Variants in TNKS observed in about 807,000 individuals in gnomAD.
The protein encoded by TNKS is tankyrase, also known as poly [ADP-ribose] polymerase tankyrase-1.
Under a neutral mutation model 135.8 loss-of-function variants are expected in TNKS, and 72 were observed. The ratio of observed to expected loss-of-function variants is 0.53; its 90% CI spans 0.44 to 0.64. TNKS has a LOEUF of 0.64. Ranked by LOEUF, TNKS falls within the 30% of genes least tolerant of loss-of-function variation. The probability of loss-of-function intolerance (pLI) is 0.00; values close to 1 mark genes in which losing one functional copy is unlikely to be tolerated. For synonymous variants in TNKS, 849 were observed against 649.3 expected, an observed-to-expected ratio of 1.31 and a Z score of -4.68; for missense variants, 1,769 against 1,674.0, an observed-to-expected ratio of 1.06 and a Z score of -0.99.
intron 26 of TNKS, among the ~76,000 whole-genome samples, chr8:9,774,545 G>A (rs931934076): frequency 4.6e-5 from 7 of 152,138 alleles, no homozygotes; most frequent in African/African-American, 1.4e-4. Context: ...GTGACCTGAC[G>A]GAAAATGACG....
At chr8:9,656,611 C>CTTTTTTTTTT (rs71201960) in intron 3 of TNKS, among the ~76,000 whole-genome samples, 25 of 136,458 alleles carry the variant, frequency 1.8e-4, no homozygotes, top group African/African-American at 6.3e-4. Context: ...AAAGAATTTT[C>CTTTTTTTTTT]TTTTTTTTTT....
At chr8:9,709,015 G>T (rs1002693084) in intron 9 of TNKS, among the ~76,000 whole-genome samples, 17 of 151,952 alleles carry the variant, frequency 1.1e-4, no homozygotes, top group Non-Finnish European at 2.2e-4. Flanking sequence ...TGCACTTTCG[G>T]AAAGATTTAT....
At chr8:9,771,354 G>T in intron 26 of TNKS, among the ~76,000 whole-genome samples, 1 of 112,382 alleles carries the variant, frequency 8.9e-6, no homozygotes, top group Non-Finnish European at 1.9e-5. Context: ...GAAGCAGGGA[G>T]GGAGAGAGAG....
intron 12 of TNKS, among the ~76,000 whole-genome samples, chr8:9,725,491 A>G (rs1230925295): frequency 3.3e-5 from 5 of 152,102 alleles, no homozygotes; most frequent in Non-Finnish European, 4.4e-5. Flanking sequence ...TGTAAAAGCC[A>G]CTCTCTCCTG....
Position 9,770,142 on chromosome 8 carries a change from C to A in TNKS, c.3777C>A (p.Ser1259=). Residue 1259 remains serine, a synonymous_variant, in exon 26 of 27, where the codon TCC becomes TCA. Transcript: ENST00000310430. ...TCTGTAGAGTGACCCTTGGGAAATC[C>A]TTTCTGCAGTTTAGCACCATGAAAA... ...MLFCRVTLGK[S]FLQFSTMKMA... 6.2e-7 allele frequency: 1 copy of A among 1,613,222 alleles called. No individual in the cohort carries two copies. The highest frequency in any genetic ancestry group is 8.5e-7 in the Non-Finnish European group (1 of 1,179,866).
rs767112527 is a variant in TNKS at position 9,761,642 on chromosome 8, C to G, written c.3274+6C>G. The stretch of plus-strand genomic sequence containing the variant: ...ACTCTTAGGTGGACAACAAGGTAAG[C>G]TATTCAGAAAAAAAAAAAAATTTCA... On this transcript the variant is annotated splice_donor_region_variant and intron_variant, in intron 21 of 26. Coordinates refer to ENST00000310430, the MANE Select transcript of TNKS (RefSeq NM_003747.3). The G allele has an allele frequency of 1.3e-6, 2 of 1,578,932 alleles. No homozygotes were observed. Among genetic ancestry groups the G allele is most frequent in the Non-Finnish European group, 8.5e-7 (1 of 1,170,510 alleles).
intron 2 of TNKS, 72 bp from the exon 3 acceptor site, chr8:9,615,510 C>A (rs74744539): frequency 3.9e-6 from 5 of 1,282,456 alleles, no homozygotes; most frequent in South Asian, 2.7e-5. Flanking sequence ...TACACCATGC[C>A]GAGACGACAC....
At chr8:9,761,758 G>A in intron 21 of TNKS, 122 bp downstream of exon 21, 2 of 1,016,476 alleles carry the variant, frequency 2.0e-6, no homozygotes, top group Non-Finnish European at 2.8e-6. Flanking sequence ...TGTACCTCCT[G>A]TCCCTTCCCC....
chr8:9,717,359 CT>C (rs1468059565), intron 11 of TNKS, among the ~76,000 whole-genome samples: 1 of 151,768 alleles, frequency 6.6e-6, no homozygotes, highest in Non-Finnish European at 1.5e-5. Context: ...ATGATGAATA[CT>C]TGTAAAACAC....
Position 9,621,852 on chromosome 8 carries a change from C to T in TNKS, c.994+6175C>T, listed in dbSNP as rs374155970. Among the ~76,000 whole-genome samples the T allele has an allele frequency of 1.7e-4, 26 of 152,134 alleles. 1 individual carries two copies. In the East Asian group the frequency reaches 4.4e-3, roughly 26 times the overall value. Reference sequence around the variant, plus strand: ...TTATTAAGAAAAGTTGTATATTTATCTATATGAATTTTATTAGGGGAAGTT... The same window carrying T: ...TTATTAAGAAAAGTTGTATATTTATTTATATGAATTTTATTAGGGGAAGTT... On this transcript the variant is annotated intron_variant, in intron 3 of 26. Transcript: ENST00000310430.
At chr8:9,678,019 C>G (rs1802619018) in intron 3 of TNKS, among the ~76,000 whole-genome samples, 1 of 152,186 alleles carries the variant, frequency 6.6e-6, no homozygotes, top group Admixed American at 6.5e-5. Context: ...CCCATTTACA[C>G]TGGCTGGTAA....
At chr8:9,570,757 A>G (rs539316966) in intron 1 of TNKS, among the ~76,000 whole-genome samples, 8 of 152,270 alleles carry the variant, frequency 5.3e-5, no homozygotes, top group African/African-American at 1.9e-4. Context: ...ATTGAGGTGC[A>G]TCTGCCATAC....
At chr8:9,567,746 G>A (rs1280540793) in intron 1 of TNKS, among the ~76,000 whole-genome samples, 1 of 152,164 alleles carries the variant, frequency 6.6e-6, no homozygotes, top group East Asian at 1.9e-4. Context: ...AGACTATATA[G>A]AGTTGTTAGA....
intron 2 of TNKS, among the ~76,000 whole-genome samples, chr8:9,587,644 C>T (rs1284544014): frequency 3.3e-5 from 5 of 152,130 alleles, no homozygotes; most frequent in East Asian, 1.9e-4. Flanking sequence ...CCTTGTGATC[C>T]GCCCGCCTCG....
chr8:9,590,674 T>G (rs1303038351), intron 2 of TNKS, among the ~76,000 whole-genome samples: 1 of 152,242 alleles, frequency 6.6e-6, no homozygotes, highest in Non-Finnish European at 1.5e-5. Context: ...AGTAATGATG[T>G]TGAGCATCTT....
At chr8:9,657,760 C>A (rs1474756433) in intron 3 of TNKS, among the ~76,000 whole-genome samples, 4 of 143,850 alleles carry the variant, frequency 2.8e-5, no homozygotes, top group Non-Finnish European at 4.6e-5. Flanking sequence ...CCGGACGGGG[C>A]GGCTGGCCGG....
intron 5 of TNKS, among the ~76,000 whole-genome samples, chr8:9,698,629 C>T (rs1304461241): frequency 6.6e-6 from 1 of 152,128 alleles, no homozygotes. Flanking sequence ...GAATGCAAAA[C>T]CAGGATTTAA....
chr8:9,756,280 C>A (rs1057448823), intron 20 of TNKS, among the ~76,000 whole-genome samples: 2 of 151,944 alleles, frequency 1.3e-5, no homozygotes, highest in African/African-American at 2.4e-5. Flanking sequence ...ACCATACAAC[C>A]TTTTAAGCCC....
chr8:9,712,935 T>C (rs1300020804), intron 11 of TNKS, among the ~76,000 whole-genome samples: 1 of 152,204 alleles, frequency 6.6e-6, no homozygotes, highest in African/African-American at 2.4e-5. Context: ...AATTATTTCA[T>C]CTCTTTCTCA....
Sources: gnomAD v4.1 joint callset for allele counts (sites outside exome capture counted in the v4.1 genomes callset) on GRCh38, gnomAD v4.1.1 for gene constraint, MANE v1.5 for transcripts, NCBI Gene and HGNC (gene_info 2026-07-23, HGNC 2026-07-21) for gene names.